PCDHA4: variants seen among roughly 807,000 people sequenced by gnomAD.
PCDHA4 encodes the protein protocadherin alpha-4.
In PCDHA4, 49 loss-of-function variants were observed where a neutral mutation model predicts 61.4. That is an observed-to-expected ratio of 0.80 (90% CI 0.63 to 1.01). The LOEUF is 1.01. Among genes scored for constraint, PCDHA4 ranks in the 50% least tolerant of loss-of-function variants. The probability of loss-of-function intolerance (pLI) is 0.00; values close to 1 mark genes in which losing one functional copy is unlikely to be tolerated. For synonymous variants in PCDHA4, 590 were observed against 550.3 expected (o/e 1.07, Z -1.01); for missense variants, 1,254 against 1,235.8 (o/e 1.01, Z -0.22).
chr5:140,924,437 T>A (rs2081836231), intron 1 of PCDHA4, among the ~76,000 whole-genome samples: 1 of 152,206 alleles, frequency 6.6e-6, no homozygotes, highest in Admixed American at 6.5e-5. Flanking sequence ...CTAGAAGAGA[T>A]AACGAATGGG....
At position 140,852,925 on chromosome 5, in the gene PCDHA4, C is replaced by G. The variant is rs2150525482; in HGVS notation, c.2385+43353C>G. 94 of 702,082 alleles carry G rather than the reference C, an allele frequency of 1.3e-4. 5 individuals are homozygous for G. The South Asian group carries it at 4.5e-3, about 34-fold the overall frequency. The allele number at this position is 702,082 out of a possible 1,614,324, so 43.5% of individuals were successfully genotyped here. On this transcript the variant is annotated intron_variant, in intron 1 of 3. Coordinates refer to ENST00000530339, the MANE Select transcript of PCDHA4 (RefSeq NM_018907.4). ...TCAGAGTCTCGCTCTGTTGCCCAGG[C>G]TGGAGTGCAGTGGTGCCATCTTGGC...
At chr5:140,849,336 T>G in intron 1 of PCDHA4, 8 of 1,396,714 alleles carry the variant, frequency 5.7e-6, no homozygotes, top group Non-Finnish European at 6.9e-6. Context: ...TATTTACTCC[T>G]TCTCCAGTGA....
chr5:140,877,068 G>C (rs1050946101), intron 1 of PCDHA4: 4 of 1,613,122 alleles, frequency 2.5e-6, no homozygotes, highest in Non-Finnish European at 3.4e-6. Context: ...AGCTGCTGCA[G>C]TTCCAGGTGA....
At chr5:140,851,486 C>T in intron 1 of PCDHA4, 1 of 886,580 alleles carries the variant, frequency 1.1e-6, no homozygotes, top group Non-Finnish European at 1.4e-6. Flanking sequence ...ATAAACACAG[C>T]CTTCATTTCA....
intron 1 of PCDHA4, among the ~76,000 whole-genome samples, chr5:140,899,610 A>G (rs2067438350): frequency 6.6e-6 from 1 of 152,164 alleles, no homozygotes; most frequent in Admixed American, 6.5e-5. Flanking sequence ...TTTTGCATCA[A>G]TGTTCATCAA....
At chr5:140,879,297 A>G (rs573154436) in intron 1 of PCDHA4, among the ~76,000 whole-genome samples, 1 of 152,346 alleles carries the variant, frequency 6.6e-6, no homozygotes, top group African/African-American at 2.4e-5. Flanking sequence ...TAAGAGAAAA[A>G]CAAAAGTAGA....
At chr5:140,878,063 T>A (rs2057461897) in intron 1 of PCDHA4, 1 of 402,806 alleles carries the variant, frequency 2.5e-6, no homozygotes, top group Non-Finnish European at 4.1e-6. Context: ...CACTTAATAT[T>A]TTTCTTTTTC....
At chr5:140,922,072 A>C (rs1390677282) in intron 1 of PCDHA4, among the ~76,000 whole-genome samples, 1 of 152,198 alleles carries the variant, frequency 6.6e-6, no homozygotes, top group East Asian at 1.9e-4. Context: ...AATCCCACTA[A>C]GCAAAAAGTG....
intron 3 of PCDHA4, among the ~76,000 whole-genome samples, chr5:141,001,760 G>A (rs2098035777): frequency 6.6e-6 from 1 of 152,146 alleles, no homozygotes; most frequent in South Asian, 2.1e-4. Flanking sequence ...GGTTGATGGC[G>A]GATGGTTTTT....
chr5:140,824,127 C>A (rs2150132380), intron 1 of PCDHA4: 3 of 1,613,568 alleles, frequency 1.9e-6, no homozygotes, highest in Non-Finnish European at 2.5e-6. Context: ...CTACAGACAA[C>A]GTGAGTTTTC....
At chr5:140,887,100 T>TC (rs1231390589) in intron 1 of PCDHA4, among the ~76,000 whole-genome samples, 2 of 151,232 alleles carry the variant, frequency 1.3e-5, no homozygotes, top group Non-Finnish European at 2.9e-5. Flanking sequence ...TATCTTTATC[T>TC]CTTTTTTTTT....
At chr5:140,835,470 G>T in intron 1 of PCDHA4, 2 of 1,613,868 alleles carry the variant, frequency 1.2e-6, no homozygotes, top group Non-Finnish European at 1.7e-6. Flanking sequence ...TCCAGAGGAC[G>T]CCCAACCAGG....
At chr5:140,877,522 G>T in intron 1 of PCDHA4, 1 of 1,613,798 alleles carries the variant, frequency 6.2e-7, no homozygotes, top group Non-Finnish European at 8.5e-7. Context: ...GCGGGCCTCA[G>T]TGGGCGCTGT....
At chr5:140,969,761 T>C (rs886878870) in intron 1 of PCDHA4, among the ~76,000 whole-genome samples, 1 of 152,234 alleles carries the variant, frequency 6.6e-6, no homozygotes, top group African/African-American at 2.4e-5. Flanking sequence ...TAAAAAGCTC[T>C]GAGGCCTCTA....
intron 3 of PCDHA4, among the ~76,000 whole-genome samples, chr5:141,003,043 C>T (rs2098108698): frequency 6.6e-6 from 1 of 152,198 alleles, no homozygotes; most frequent in Non-Finnish European, 1.5e-5. Flanking sequence ...CCCTCCTGGC[C>T]TTAACAGAAC....
rs1350835757 is a variant in PCDHA4, at chr5:141,010,856, A to G, written c.*919A>G. Reference sequence around the variant, plus strand: ...CATAGATTTATTTAAAAAAAGAGAAAGTCTATAGCTATAAATCTTTAAAGA... The same window carrying G: ...CATAGATTTATTTAAAAAAAGAGAAGGTCTATAGCTATAAATCTTTAAAGA... On this transcript the variant is annotated 3_prime_UTR_variant, in exon 4 of 4. Coordinates refer to ENST00000530339, the MANE Select transcript of PCDHA4 (RefSeq NM_018907.4). The G allele has an allele frequency of 1.3e-5, 2 of 153,800 alleles. No homozygotes were observed. Among genetic ancestry groups the G allele is most frequent in the African/African-American group, 2.4e-5 (1 of 41,464 alleles). The allele number at this position is 153,800 out of a possible 1,614,324, so 9.5% of individuals were successfully genotyped here. A position where few individuals can be genotyped will look rare whatever the true frequency, so the allele number is the denominator to read the frequency against.
chr5:140,912,746 A>T (rs1322674627), intron 1 of PCDHA4, among the ~76,000 whole-genome samples: 1 of 152,200 alleles, frequency 6.6e-6, no homozygotes, highest in Non-Finnish European at 1.5e-5. Flanking sequence ...TGGGTCTGTC[A>T]TAGATGGCTT....
chr5:140,808,014 A>T lies in PCDHA4; in HGVS notation c.827A>T (p.Asp276Val), dbSNP rs1764082406. ...ASDLDEGLNG[D>V]IVYSFSNDIS... Reference sequence around the variant, plus strand: ...GATTTAGACGAAGGATTGAATGGGGACATTGTTTATTCATTCTCAAATGAT... The same window carrying T: ...GATTTAGACGAAGGATTGAATGGGGTCATTGTTTATTCATTCTCAAATGAT... Residue 276 changes from aspartate (D) to valine (V), a missense_variant, in exon 1 of 4, where the codon GAC becomes GTC. Coordinates refer to ENST00000530339, the MANE Select transcript of PCDHA4 (RefSeq NM_018907.4). 1.9e-6 allele frequency: 3 copies of T among 1,613,822 alleles called. No individual in the cohort carries two copies. The highest frequency in any genetic ancestry group is 2.2e-5 in the South Asian group (2 of 91,082).
intron 1 of PCDHA4, chr5:140,852,273 GT>G (rs2042286951): frequency 2.0e-6 from 1 of 502,736 alleles, no homozygotes; most frequent in South Asian, 8.6e-5. Context: ...AATATTACAT[GT>G]TTTTTGTCTT....
Sources: allele counts gnomAD v4.1 joint callset (sites outside exome capture counted in the v4.1 genomes callset), GRCh38; gene constraint gnomAD v4.1.1; transcripts MANE v1.5; gene names NCBI Gene and HGNC (gene_info 2026-07-23, HGNC 2026-07-21).